Variants in ZNF771 observed in about 807,000 individuals in gnomAD.
The protein encoded by ZNF771 is mesenchymal stem cell protein DSC43.
ZNF771 carries 10 observed loss-of-function variants against 27.6 expected under a neutral mutation model. The observed-to-expected ratio is 0.36, with a 90% CI of 0.22 to 0.61. ZNF771 has a LOEUF of 0.61. ZNF771 is among the 20% of genes least tolerant of loss of function. The pLI, the probability that ZNF771 is intolerant of heterozygous loss-of-function variation, is 0.70. For synonymous variants in ZNF771, 261 were observed against 225.2 expected, an observed-to-expected ratio of 1.16 and a Z score of -1.43; for missense variants, 438 against 503.7, an observed-to-expected ratio of 0.87 and a Z score of 1.25.
chr16:30,417,583 C>T lies in ZNF771; in HGVS notation c.170C>T (p.Ala57Val). ...CCGGGCGAGGCGCCCGCGCCGTCCG[C>T]CGACCCGGCGCGTCCCCACGCGTGC... ...EVPGEAPAPS[A>V]DPARPHACPD... Residue 57 changes from alanine to valine, a missense_variant, in exon 3 of 3, where the codon GCC becomes GTC. Around this residue, in one of 3 missense-constraint regions of ZNF771, gnomAD observed 84 missense variants for 89.2 expected, o/e 0.94. Transcript: ENST00000319296. 8.1e-7 allele frequency: 1 copy of T among 1,232,098 alleles called. No individual in the cohort carries two copies. The highest frequency in any genetic ancestry group is 1.0e-6 in the Non-Finnish European group (1 of 990,066). The allele number at this position is 1,232,098 out of a possible 1,614,324, so 76.3% of individuals were successfully genotyped here. A position where few individuals can be genotyped will look rare whatever the true frequency, so the allele number is the denominator to read the frequency against.
chr16:30,410,413 A>G (rs1455882667), intron 2 of ZNF771, among the ~76,000 whole-genome samples: 1 of 151,750 alleles, frequency 6.6e-6, no homozygotes, highest in African/African-American at 2.4e-5. Flanking sequence ...ACTCATTTTT[A>G]TCAAAGGCCT....
chr16:30,416,171 C>T (rs2050132913), intron 2 of ZNF771, among the ~76,000 whole-genome samples: 1 of 152,156 alleles, frequency 6.6e-6, no homozygotes, highest in African/African-American at 2.4e-5. Flanking sequence ...ATGCCCCTCT[C>T]CTGCTCTCCT....
chr16:30,418,331 T>TGCCACC lies in ZNF771; in HGVS notation c.920_925dup (p.Ala307_Thr308dup), dbSNP rs771391509. On this transcript the variant is annotated inframe_insertion, in exon 3 of 3. Coordinates refer to ENST00000319296, the MANE Select transcript of ZNF771 (RefSeq NM_001142305.2). ...TGCCCCCTGGCGCCACGGCCGCCAC[T>TGCCACC]GCCACCGAGCGTTGCCCGGAGTGTG... is the stretch of plus-strand genomic sequence containing the variant. 1.3e-5 allele frequency: 19 copies of TGCCACC among 1,464,560 alleles called. No homozygotes were observed. In the East Asian group the frequency reaches 5.2e-4, roughly 40 times the overall value. 90.7% of individuals were successfully genotyped at this position (1,464,560 alleles called of 1,614,324 possible). A position where few individuals can be genotyped will look rare whatever the true frequency, so the allele number is the denominator to read the frequency against.
At chr16:30,409,663 G>A (rs1312534161) in intron 2 of ZNF771, among the ~76,000 whole-genome samples, 1 of 152,166 alleles carries the variant, frequency 6.6e-6, no homozygotes, top group Non-Finnish European at 1.5e-5. Flanking sequence ...TGGGCCTGCT[G>A]GGTGCTGGGG....
chr16:30,414,771 G>A (rs1223325670), intron 2 of ZNF771, among the ~76,000 whole-genome samples: 4 of 150,792 alleles, frequency 2.7e-5, no homozygotes, highest in African/African-American at 4.9e-5. Context: ...AGCCTCCCGC[G>A]TAGCTGGGAC....
At chr16:30,409,530 T>G (rs11150586) in intron 2 of ZNF771, among the ~76,000 whole-genome samples, 1 of 152,002 alleles carries the variant, frequency 6.6e-6, no homozygotes, top group Non-Finnish European at 1.5e-5. Context: ...GCCCCCAGCC[T>G]GAGCAGCCCT....
chr16:30,417,890 C>A lies in ZNF771; in HGVS notation c.477C>A (p.Ser159Arg), dbSNP rs1048989049. The change falls in exon 3 of 3, where the codon AGC becomes AGA. Residue 159 changes from serine (S) to arginine (R), a missense_variant. By Grantham distance (110) the Ser-to-Arg change is moderately radical. Coordinates refer to ENST00000319296, the MANE Select transcript of ZNF771 (RefSeq NM_001142305.2). ...CAHCGRRFAQ[S>R]SNYAQHLRVH... ...ACTGCGGCCGCCGCTTCGCGCAGAG[C>A]TCCAACTACGCACAGCACCTGCGCG... The A allele has an allele frequency of 1.3e-6, 2 of 1,518,914 alleles. No homozygotes were observed. The highest frequency in any genetic ancestry group is 8.7e-7 in the Non-Finnish European group (1 of 1,142,902). The allele number at this position is 1,518,914 out of a possible 1,614,324, so 94.1% of individuals were successfully genotyped here. A position where few individuals can be genotyped will look rare whatever the true frequency, so the allele number is the denominator to read the frequency against.
intron 2 of ZNF771, among the ~76,000 whole-genome samples, chr16:30,415,614 C>G (rs1446999712): frequency 6.6e-6 from 1 of 152,104 alleles, no homozygotes; most frequent in Non-Finnish European, 1.5e-5. Context: ...AACTCCTGAC[C>G]TCGTGATCCA....
At position 30,418,231 on chromosome 16, in the gene ZNF771, A is replaced by C; in HGVS notation, c.818A>C (p.His273Pro). 6.6e-7 allele frequency: 1 copy of C among 1,515,592 alleles called. No homozygotes were observed. Among genetic ancestry groups the C allele is most frequent in the Non-Finnish European group, 8.8e-7 (1 of 1,138,728 alleles). 93.9% of individuals were successfully genotyped at this position (1,515,592 alleles called of 1,614,324 possible). A position where few individuals can be genotyped will look rare whatever the true frequency, so the allele number is the denominator to read the frequency against. ...GGCCGCCGCTTCCGCCTAAGCTCGC[A>C]CTTCATTCGCCACCGACGCGCGCAC... ...ECGRRFRLSS[H>P]FIRHRRAHMR... Residue 273 changes from histidine to proline, a missense_variant, in exon 3 of 3, where the codon CAC becomes CCC. By Grantham distance (77) the His-to-Pro change is moderately conservative (BLOSUM62 -2). Around this residue, in one of 3 missense-constraint regions of ZNF771, gnomAD observed 305 missense variants for 308.0 expected, o/e 0.99. Coordinates refer to ENST00000319296, the MANE Select transcript of ZNF771 (RefSeq NM_001142305.2).
chr16:30,407,999 T>TGGGGGGGGGGGGGGGGGG (rs1311250023), intron 1 of ZNF771, 46 bp from the exon 2 acceptor site: 2 of 391,338 alleles, frequency 5.1e-6, no homozygotes, highest in African/African-American at 5.2e-5. Flanking sequence ...GGGGGGGGGG[T>TGGGGGGGGGGGGGGGGGG]GGGGGGGGGC....
chr16:30,415,590 C>G (rs367618706), intron 2 of ZNF771, among the ~76,000 whole-genome samples: 41 of 152,126 alleles, frequency 2.7e-4, no homozygotes, highest in African/African-American at 9.4e-4. Context: ...AACATCTTGG[C>G]TAGGCTGGGC....
chr16:30,412,097 G>T (rs747754439), intron 2 of ZNF771, among the ~76,000 whole-genome samples: 1 of 152,020 alleles, frequency 6.6e-6, no homozygotes, highest in Non-Finnish European at 1.5e-5. Context: ...TGCCATTCTG[G>T]CTTCATCCCC....
chr16:30,408,085 A>C lies in ZNF771; in HGVS notation c.32A>C (p.Glu11Ala). 6.2e-7 allele frequency: 1 copy of C among 1,603,188 alleles called. No individual in the cohort carries two copies. The highest frequency in any genetic ancestry group is 8.5e-7 in the Non-Finnish European group (1 of 1,174,438). The change falls in exon 2 of 3, where the codon GAG becomes GCG. Residue 11 changes from glutamate to alanine, a missense_variant. Physicochemically the swap from Glu to Ala is moderately radical, Grantham distance 107 (BLOSUM62 -1). Coordinates refer to ENST00000319296, the MANE Select transcript of ZNF771 (RefSeq NM_001142305.2). MPGEQQAEEEEEEEMQEEMVL... is the reference protein window; with the variant it reads MPGEQQAEEEAEEEMQEEMVL... Reference sequence around the variant, plus strand: ...GGCGAACAGCAGGCAGAGGAAGAGGAGGAGGAAGAGATGCAGGAGGAGATG... The same window carrying C: ...GGCGAACAGCAGGCAGAGGAAGAGGCGGAGGAAGAGATGCAGGAGGAGATG...
intron 2 of ZNF771, among the ~76,000 whole-genome samples, chr16:30,416,888 C>G (rs1208266878): frequency 6.8e-6 from 1 of 146,694 alleles, no homozygotes; most frequent in Non-Finnish European, 1.5e-5. Context: ...AGGTTCGGGA[C>G]CAAGCCTGGG....
intron 2 of ZNF771, chr16:30,413,483 C>A: frequency 4.2e-6 from 1 of 237,976 alleles, no homozygotes. Context: ...TTTAAATATT[C>A]GTGAAAATAA....
chr16:30,418,541 CCCA>C lies in ZNF771; in HGVS notation c.*176_*178del. 1 of 567,092 alleles carries C rather than the reference CCCA, an allele frequency of 1.8e-6. No individual in the cohort carries two copies. Among genetic ancestry groups the C allele is most frequent in the Non-Finnish European group, 2.9e-6 (1 of 344,912 alleles). 35.1% of individuals were successfully genotyped at this position (567,092 alleles called of 1,614,324 possible). ...CGGGGTCCCTGGAAACAGTGCCCAC[CCCA>C]CATCACTACATTCCCTCGGCCCGTG... On this transcript the variant is annotated 3_prime_UTR_variant, in exon 3 of 3. Transcript: ENST00000319296.
At chr16:30,408,001 G>GT in intron 1 of ZNF771, 44 bp from the exon 2 acceptor site, 1 of 796,694 alleles carries the variant, frequency 1.3e-6, no homozygotes, top group Non-Finnish European at 1.8e-6. Context: ...GGGGGGGGTG[G>GT]GGGGGGGCGG....
At chr16:30,408,843 C>T (rs997089406) in intron 2 of ZNF771, among the ~76,000 whole-genome samples, 11 of 152,242 alleles carry the variant, frequency 7.2e-5, no homozygotes, top group African/African-American at 2.6e-4. Context: ...GAGACAGGGT[C>T]TCATTCAGTC....
In ZNF771 at chr16:30,417,659, G is replaced by A. The variant is rs774602216; in HGVS notation, c.246G>A (p.Ala82=). The A allele has an allele frequency of 4.5e-5, 62 of 1,374,340 alleles. No homozygotes were observed. In the South Asian group the frequency reaches 5.3e-4, roughly 12 times the overall value. 85.1% of individuals were successfully genotyped at this position (1,374,340 alleles called of 1,614,324 possible). The part of the protein sequence containing the change: ...FARRSTLAKH[A]RTHTGERPFG... ...GCCGCTCCACGCTGGCGAAGCACGCGCGCACGCACACGGGCGAACGGCCCT... is the reference window on the plus strand; with the variant it reads ...GCCGCTCCACGCTGGCGAAGCACGCACGCACGCACACGGGCGAACGGCCCT... The change falls in exon 3 of 3, where the codon GCG becomes GCA. Residue 82 remains alanine, a synonymous_variant. Transcript: ENST00000319296.
Sources: allele counts gnomAD v4.1 joint callset (sites outside exome capture counted in the v4.1 genomes callset), GRCh38; gene constraint gnomAD v4.1.1; regional missense constraint gnomAD v4.1.1; transcripts MANE v1.5; gene names NCBI Gene and HGNC (gene_info 2026-07-23, HGNC 2026-07-21).